LGR4: variants seen among roughly 807,000 people sequenced by gnomAD.
The protein encoded by LGR4 is leucine-rich repeat-containing G protein-coupled receptor 4.
Under a neutral mutation model 84.8 loss-of-function variants are expected in LGR4, and 44 were observed. The observed-to-expected ratio is 0.52, with a 90% CI of 0.41 to 0.67. LGR4 has a LOEUF of 0.67. Ranked by LOEUF, LGR4 falls within the 30% of genes least tolerant of loss-of-function variation. The pLI, the probability that LGR4 is intolerant of heterozygous loss-of-function variation, is 0.00. For synonymous variants in LGR4, 429 were observed against 434.3 expected (o/e 0.99, Z 0.15); for missense variants, 1,032 against 1,131.4 (o/e 0.91, Z 1.26).
intron 2 of LGR4, among the ~76,000 whole-genome samples, chr11:27,395,756 C>T (rs552541917): frequency 2.6e-5 from 4 of 152,152 alleles, no homozygotes; most frequent in African/African-American, 7.2e-5. Context: ...CGTAAGTTTA[C>T]GGAGCTGCTG....
intron 2 of LGR4, among the ~76,000 whole-genome samples, chr11:27,405,307 C>CT (rs1477737313): frequency 6.6e-5 from 10 of 152,154 alleles, no homozygotes; most frequent in Non-Finnish European, 1.0e-4. Flanking sequence ...AGTTCTCCTG[C>CT]TCCTCCGGCA....
intron 16 of LGR4, 85 bp downstream of exon 16, chr11:27,372,198 G>T: frequency 2.4e-6 from 2 of 849,518 alleles, no homozygotes; most frequent in South Asian, 2.8e-5. Context: ...ATTTCCTATT[G>T]ATCATTCACA....
At chr11:27,417,490 T>C (rs1353137342) in intron 1 of LGR4, among the ~76,000 whole-genome samples, 2 of 152,040 alleles carry the variant, frequency 1.3e-5, no homozygotes, top group Admixed American at 1.3e-4. Context: ...TGGAACAAAT[T>C]TGAAGGGAAG....
chr11:27,376,939 C>T (rs1291087966), intron 12 of LGR4, among the ~76,000 whole-genome samples: 1 of 152,030 alleles, frequency 6.6e-6, no homozygotes, highest in South Asian at 2.1e-4. Flanking sequence ...ACTTCCAACT[C>T]CCCCCCGCAT....
intron 1 of LGR4, among the ~76,000 whole-genome samples, chr11:27,452,628 T>G (rs1035129541): frequency 1.6e-5 from 2 of 124,662 alleles, no homozygotes; most frequent in African/African-American, 6.5e-5. Context: ...TTTGAGTTTT[T>G]TTTTTTTTTT....
chr11:27,445,391 G>A (rs1360478796), intron 1 of LGR4, among the ~76,000 whole-genome samples: 1 of 152,050 alleles, frequency 6.6e-6, no homozygotes, highest in Admixed American at 6.6e-5. Context: ...TAAACATTTT[G>A]TACTTCAGTT....
intron 4 of LGR4, among the ~76,000 whole-genome samples, chr11:27,390,005 A>G (rs1366528450): frequency 1.3e-5 from 2 of 152,168 alleles, no homozygotes; most frequent in Non-Finnish European, 2.9e-5. Context: ...AACACCGTGG[A>G]TATTCCTTGT....
intron 12 of LGR4, 56 bp from the exon 13 acceptor site, chr11:27,376,426 GA>G: frequency 1.1e-6 from 1 of 890,972 alleles, no homozygotes; most frequent in Non-Finnish European, 1.8e-6. Flanking sequence ...AAGAGAACAG[GA>G]GGAGGAGGAA....
chr11:27,429,693 C>A (rs1565090722), intron 1 of LGR4, among the ~76,000 whole-genome samples: 2 of 152,080 alleles, frequency 1.3e-5, no homozygotes. Flanking sequence ...CGCATATTAA[C>A]CATGACTAAA....
At chr11:27,417,561 T>G (rs1454820915) in intron 1 of LGR4, among the ~76,000 whole-genome samples, 5 of 152,208 alleles carry the variant, frequency 3.3e-5, no homozygotes, top group African/African-American at 1.2e-4. Context: ...TCAAAGTTCA[T>G]TAAGAATTTG....
intron 1 of LGR4, among the ~76,000 whole-genome samples, chr11:27,414,866 C>A (rs868817336): frequency 1.3e-4 from 20 of 152,186 alleles, no homozygotes; most frequent in Middle Eastern, 6.8e-3. Flanking sequence ...GGCTTCCTGG[C>A]CTGACATGAT....
chr11:27,438,336 G>T (rs1864247036), intron 1 of LGR4, among the ~76,000 whole-genome samples: 2 of 152,146 alleles, frequency 1.3e-5, no homozygotes, highest in Non-Finnish European at 2.9e-5. Context: ...TATAGCAATA[G>T]TTCTCAACCA....
chr11:27,472,020 C>G (rs553204271), intron 1 of LGR4, 98 bp downstream of exon 1: 8 of 870,938 alleles, frequency 9.2e-6, no homozygotes, highest in Non-Finnish European at 3.0e-6. Context: ...GGCGGCGGGG[C>G]GGGGTGGGGT....
chr11:27,389,469 C>A (rs1863242588), intron 4 of LGR4, among the ~76,000 whole-genome samples: 1 of 152,032 alleles, frequency 6.6e-6, no homozygotes, highest in Admixed American at 6.6e-5. Flanking sequence ...CACTTTAAAT[C>A]ATCTACATTA....
intron 1 of LGR4, among the ~76,000 whole-genome samples, chr11:27,414,109 C>T (rs982984919): frequency 2.6e-5 from 4 of 152,026 alleles, no homozygotes; most frequent in Non-Finnish European, 4.4e-5. Context: ...TCTTACTTTA[C>T]AAATGGGGAA....
intron 7 of LGR4, 88 bp downstream of exon 7, chr11:27,382,100 A>T: frequency 2.3e-6 from 2 of 870,834 alleles, no homozygotes; most frequent in South Asian, 2.9e-5. Flanking sequence ...TACGTAATGG[A>T]ACAAGATGTT....
chr11:27,472,235 C>A lies in LGR4; in HGVS notation c.68G>T (p.Gly23Val), dbSNP rs1864891975. The A allele has an allele frequency of 7.4e-7, 1 of 1,343,786 alleles. No individual in the cohort carries two copies. The highest frequency in any genetic ancestry group is 9.5e-7 in the Non-Finnish European group (1 of 1,051,052). The allele number at this position is 1,343,786 out of a possible 1,614,324, so 83.2% of individuals were successfully genotyped here. ...CGCCGCGCAGAGAGGCGGCGCCGCG[C>A]CGCTGGGCCCGGCCGAGCCGAGCAG... ...LGLLGSAGPSGAAPPLCAAPC... is the reference protein window; with the variant it reads ...LGLLGSAGPSVAAPPLCAAPC... Residue 23 changes from glycine (G) to valine (V), a missense_variant, in exon 1 of 18, where the codon GGC (glycine) becomes GTC (valine). Physicochemically the swap from Gly to Val is moderately radical, Grantham distance 109 (BLOSUM62 -3). Coordinates refer to ENST00000379214, the MANE Select transcript of LGR4 (RefSeq NM_018490.5).
chr11:27,394,556 C>T (rs1565077694), intron 2 of LGR4, among the ~76,000 whole-genome samples: 1 of 152,170 alleles, frequency 6.6e-6, no homozygotes, highest in Non-Finnish European at 1.5e-5. Context: ...ACGCCCACCA[C>T]CACGCCCAGC....
At chr11:27,450,886 T>C (rs997072202) in intron 1 of LGR4, among the ~76,000 whole-genome samples, 5 of 152,196 alleles carry the variant, frequency 3.3e-5, no homozygotes, top group Non-Finnish European at 7.3e-5. Flanking sequence ...AACCATTTCT[T>C]TGCCAACTCT....
Sources: allele counts gnomAD v4.1 joint callset (sites outside exome capture counted in the v4.1 genomes callset), GRCh38; gene constraint gnomAD v4.1.1; transcripts MANE v1.5; gene names NCBI Gene and HGNC (gene_info 2026-07-23, HGNC 2026-07-21).